The following HPSE2 variants were observed in gnomAD, a reference collection of about 807,000 sequenced individuals.
The protein encoded by HPSE2 is heparanase 2 (inactive), also known as inactive heparanase-2.
In HPSE2, 38 loss-of-function variants were observed where a neutral mutation model predicts 60.5. That is an observed-to-expected ratio of 0.63 (90% CI 0.48 to 0.82). The LOEUF (loss-of-function observed/expected upper bound fraction) is 0.82, where lower values mean the gene tolerates loss of function less well. Ranked by LOEUF, HPSE2 falls within the 40% of genes least tolerant of loss-of-function variation. HPSE2 has a pLI of 0.00. For missense variants in HPSE2, 713 were observed against 740.4 expected (o/e 0.96, Z 0.43); for synonymous variants, 295 against 293.2 (o/e 1.01, Z -0.06).
At chr10:98,714,102 T>C (rs888150090) in intron 5 of HPSE2, among the ~76,000 whole-genome samples, 1 of 151,978 alleles carries the variant, frequency 6.6e-6, no homozygotes, top group Non-Finnish European at 1.5e-5. Flanking sequence ...ATATCCTTAA[T>C]TGATTCTCTA....
chr10:98,881,656 C>T (rs1590002513), intron 3 of HPSE2, among the ~76,000 whole-genome samples: 1 of 151,940 alleles, frequency 6.6e-6, no homozygotes, highest in Non-Finnish European at 1.5e-5. Context: ...ATAACTATTG[C>T]TTTCTATATC....
At chr10:99,207,208 T>A (rs1848779897) in intron 2 of HPSE2, among the ~76,000 whole-genome samples, 1 of 152,058 alleles carries the variant, frequency 6.6e-6, no homozygotes, top group African/African-American at 2.4e-5. Flanking sequence ...GCAGAAGACT[T>A]CTCAGCAGAA....
At chr10:98,992,986 G>C (rs570475525) in intron 3 of HPSE2, among the ~76,000 whole-genome samples, 1 of 152,296 alleles carries the variant, frequency 6.6e-6, no homozygotes, top group East Asian at 1.9e-4. Context: ...CTAGTTCTGA[G>C]TACATAGAAG....
chr10:99,286,139 A>G, the HPSE2 span, among the ~76,000 whole-genome samples: 1 of 152,226 alleles, frequency 6.6e-6, no homozygotes, highest in Admixed American at 6.5e-5. Flanking sequence ...GTGAAATTAC[A>G]CAGCTGCTGT....
intron 3 of HPSE2, among the ~76,000 whole-genome samples, chr10:99,014,120 A>C (rs887796763): frequency 2.6e-5 from 4 of 152,162 alleles, no homozygotes; most frequent in African/African-American, 9.7e-5. Context: ...AACCCAGGTC[A>C]CCCTGCCACA....
intron 3 of HPSE2, among the ~76,000 whole-genome samples, chr10:98,987,744 C>T (rs1185734275): frequency 1.3e-5 from 2 of 152,082 alleles, no homozygotes; most frequent in Non-Finnish European, 2.9e-5. Context: ...CCTAGAAAAC[C>T]CCATCGTCTC....
intron 3 of HPSE2, chr10:99,013,347 T>C (rs542525594): frequency 1.1e-4 from 65 of 611,226 alleles, no homozygotes. Context: ...AGAAATCCTC[T>C]CTCTGTCTGT....
intron 9 of HPSE2, among the ~76,000 whole-genome samples, chr10:98,582,330 G>A (rs916175602): frequency 1.3e-5 from 2 of 152,164 alleles, no homozygotes; most frequent in Non-Finnish European, 2.9e-5. Context: ...AAATAGAAAT[G>A]TATTTGCTCT....
chr10:98,820,719 C>T (rs1459503018), intron 3 of HPSE2, among the ~76,000 whole-genome samples: 1 of 152,144 alleles, frequency 6.6e-6, no homozygotes, highest in Non-Finnish European at 1.5e-5. Flanking sequence ...AACACAGACC[C>T]ATTGGCTATT....
chr10:98,985,683 A>T (rs1180944923), intron 3 of HPSE2, among the ~76,000 whole-genome samples: 1 of 152,246 alleles, frequency 6.6e-6, no homozygotes, highest in African/African-American at 2.4e-5. Flanking sequence ...TCCAATTAAA[A>T]GACACAGACT....
chr10:99,177,359 C>A (rs1041947044), intron 2 of HPSE2, among the ~76,000 whole-genome samples: 8 of 152,060 alleles, frequency 5.3e-5, no homozygotes, highest in African/African-American at 1.7e-4. Context: ...CATCAGTGTG[C>A]TGTATTCAGG....
chr10:99,142,083 A>G (rs1845884301), intron 3 of HPSE2, among the ~76,000 whole-genome samples: 1 of 152,204 alleles, frequency 6.6e-6, no homozygotes, highest in South Asian at 2.1e-4. Context: ...TTCATTGCAG[A>G]TATTTCAAGG....
the HPSE2 span, among the ~76,000 whole-genome samples, chr10:99,274,479 T>G: frequency 6.6e-6 from 1 of 152,156 alleles, no homozygotes; most frequent in Admixed American, 6.5e-5. Flanking sequence ...AGACTCAGTT[T>G]TCATAAAAAT....
At chr10:99,103,249 A>G (rs1394816409) in intron 3 of HPSE2, among the ~76,000 whole-genome samples, 7 of 152,228 alleles carry the variant, frequency 4.6e-5, no homozygotes, top group Non-Finnish European at 1.0e-4. Flanking sequence ...GTCTCAGCCA[A>G]AAATCTCCTT....
chr10:98,706,214 A>G (rs976302793), intron 5 of HPSE2, among the ~76,000 whole-genome samples: 8 of 152,174 alleles, frequency 5.3e-5, no homozygotes, highest in Admixed American at 3.3e-4. Context: ...GCTGCCTCCA[A>G]GCTGTTTTCA....
chr10:98,487,550 CAATAA>C (rs1330217482), intron 10 of HPSE2, among the ~76,000 whole-genome samples: 1 of 152,176 alleles, frequency 6.6e-6, no homozygotes, highest in Non-Finnish European at 1.5e-5. Flanking sequence ...CTTTGAAATT[CAATAA>C]AATAAGTGCA....
chr10:99,213,101 G>T (rs187459055), intron 2 of HPSE2, among the ~76,000 whole-genome samples: 1 of 152,068 alleles, frequency 6.6e-6, no homozygotes, highest in East Asian at 1.9e-4. Flanking sequence ...AAGAGAATTG[G>T]CACTGTATCA....
At chr10:98,485,593 T>C (rs976152754) in intron 10 of HPSE2, among the ~76,000 whole-genome samples, 4 of 152,204 alleles carry the variant, frequency 2.6e-5, no homozygotes, top group South Asian at 2.1e-4. Context: ...TGAATCAGTG[T>C]TGACCATCAT....
chr10:98,756,854 C>T (rs1337288089), intron 3 of HPSE2, among the ~76,000 whole-genome samples: 7 of 152,016 alleles, frequency 4.6e-5, no homozygotes, highest in Non-Finnish European at 1.0e-4. Flanking sequence ...GGTACCAAAA[C>T]CTGGCAGAGG....
Sources: allele counts gnomAD v4.1 joint callset (sites outside exome capture counted in the v4.1 genomes callset), GRCh38; gene constraint gnomAD v4.1.1; transcripts MANE v1.5; gene names NCBI Gene and HGNC (gene_info 2026-07-23, HGNC 2026-07-21).